SASH1: variants seen among roughly 807,000 people sequenced by gnomAD.
The protein encoded by SASH1 is SAM and SH3 domain-containing protein 1.
Under a neutral mutation model 125.2 loss-of-function variants are expected in SASH1, and 44 were observed. The ratio of observed to expected loss-of-function variants is 0.35; its 90% CI spans 0.28 to 0.45. SASH1 has a LOEUF of 0.45. Ranked by LOEUF, SASH1 falls within the 20% of genes least tolerant of loss-of-function variation. The pLI is 1.00. For synonymous variants in SASH1, 639 were observed against 649.1 expected, an observed-to-expected ratio of 0.98 and a Z score of 0.24; for missense variants, 1,426 against 1,614.5, an observed-to-expected ratio of 0.88 and a Z score of 2.00.
Position 148,549,795 on chromosome 6 carries a change from G to A in SASH1, c.*1237G>A. 2.6e-6 allele frequency: 1 copy of A among 380,104 alleles called. No individual in the cohort carries two copies. 23.5% of individuals were successfully genotyped at this position (380,104 alleles called of 1,614,324 possible). A position where few individuals can be genotyped will look rare whatever the true frequency, so the allele number is the denominator to read the frequency against. On this transcript the variant is annotated 3_prime_UTR_variant, in exon 20 of 20. Coordinates refer to ENST00000367467, the MANE Select transcript of SASH1 (RefSeq NM_015278.5). Reference sequence around the variant, plus strand: ...TGCTACTTTAAATTGTTTTACAACTGATTTCAGCACATTCTATCCTTTTTT... The same window carrying A: ...TGCTACTTTAAATTGTTTTACAACTAATTTCAGCACATTCTATCCTTTTTT...
chr6:148,282,483 G>A (rs1158239573), intron 1 of SASH1, among the ~76,000 whole-genome samples: 1 of 152,058 alleles, frequency 6.6e-6, no homozygotes, highest in Non-Finnish European at 1.5e-5. Context: ...CCGGGTTCAA[G>A]CGATTCTCCT....
chr6:148,258,160 C>G, the SASH1 span, among the ~76,000 whole-genome samples: 16 of 152,058 alleles, frequency 1.1e-4, no homozygotes, highest in East Asian at 1.7e-3. Flanking sequence ...CTCAAGAGAT[C>G]CTCCTACCTT....
chr6:148,236,663 C>T, the SASH1 span, among the ~76,000 whole-genome samples: 3 of 152,206 alleles, frequency 2.0e-5, no homozygotes, highest in Non-Finnish European at 2.9e-5. Context: ...TCTTTCTCTA[C>T]ACTAACAGTG....
intron 5 of SASH1, 62 bp downstream of exon 5, chr6:148,468,647 A>G (rs1777960062): frequency 9.7e-7 from 1 of 1,035,580 alleles, no homozygotes; most frequent in Non-Finnish European, 1.4e-6. Context: ...GAAAACACGA[A>G]TATGTGAAAA....
At chr6:148,440,319 T>G (rs757564515) in intron 3 of SASH1, 39 bp from the exon 4 acceptor site, 2 of 1,612,250 alleles carry the variant, frequency 1.2e-6, no homozygotes, top group Non-Finnish European at 1.7e-6. Context: ...TGAAGCCTGC[T>G]GCTCTGACCA....
At chr6:148,493,890 C>T (rs1046659749) in intron 8 of SASH1, among the ~76,000 whole-genome samples, 1 of 152,154 alleles carries the variant, frequency 6.6e-6, no homozygotes, top group African/African-American at 2.4e-5. Context: ...AATGTCTGCA[C>T]ATTTATTTAT....
At chr6:148,324,300 T>G (rs2114581602) in intron 1 of SASH1, among the ~76,000 whole-genome samples, 1 of 152,184 alleles carries the variant, frequency 6.6e-6, no homozygotes, top group East Asian at 1.9e-4. Context: ...AGTTCTAGAT[T>G]ATCCATGAGC....
chr6:148,396,347 G>A (rs566828041), intron 2 of SASH1, among the ~76,000 whole-genome samples: 4 of 151,718 alleles, frequency 2.6e-5, no homozygotes, highest in East Asian at 1.9e-4. Flanking sequence ...GTGTGGTGGT[G>A]CGCACCTATA....
intron 1 of SASH1, among the ~76,000 whole-genome samples, chr6:148,354,720 A>G (rs1411967329): frequency 6.6e-6 from 1 of 152,192 alleles, no homozygotes; most frequent in Non-Finnish European, 1.5e-5. Flanking sequence ...GGTTTGAGGA[A>G]GAACTATAAG....
chr6:148,308,144 C>A (rs1002172872), intron 1 of SASH1, among the ~76,000 whole-genome samples: 4 of 152,116 alleles, frequency 2.6e-5, no homozygotes, highest in African/African-American at 9.7e-5. Context: ...TCTTTCACTT[C>A]TTCTGTGGTG....
chr6:148,306,007 A>G (rs190454801), intron 1 of SASH1, among the ~76,000 whole-genome samples: 40 of 152,342 alleles, frequency 2.6e-4, no homozygotes, highest in Middle Eastern at 3.4e-3. Flanking sequence ...CTTGTATCAA[A>G]ATATCTCATG....
At chr6:148,221,831 A>G in the SASH1 span, among the ~76,000 whole-genome samples, 36,013 of 152,126 alleles carry the variant, frequency 0.24, 4,503 homozygotes, top group African/African-American at 0.3. Flanking sequence ...AAAACACTTC[A>G]CAGTGACTGA....
chr6:148,214,423 T>C, the SASH1 span, among the ~76,000 whole-genome samples: 1 of 152,236 alleles, frequency 6.6e-6, no homozygotes, highest in Non-Finnish European at 1.5e-5. Context: ...TTTTCTGCTA[T>C]ATAACTATAG....
chr6:148,238,619 CACACAT>C, the SASH1 span, among the ~76,000 whole-genome samples: 36 of 65,138 alleles, frequency 5.5e-4, 1 homozygote, highest in Admixed American at 4.4e-4. Flanking sequence ...GTGTCATACA[CACACAT>C]ACACACACAC....
intron 1 of SASH1, among the ~76,000 whole-genome samples, chr6:148,363,230 G>A (rs929456591): frequency 2.0e-5 from 3 of 152,238 alleles, no homozygotes; most frequent in African/African-American, 4.8e-5. Flanking sequence ...AACATCAGAT[G>A]AATCACGGTG....
At chr6:148,370,592 G>C (rs916612989) in intron 1 of SASH1, among the ~76,000 whole-genome samples, 3 of 152,126 alleles carry the variant, frequency 2.0e-5, no homozygotes, top group African/African-American at 7.2e-5. Context: ...GGGAAGCCAA[G>C]GTGGGCAGAT....
chr6:148,220,154 T>G, the SASH1 span, among the ~76,000 whole-genome samples: 1 of 152,156 alleles, frequency 6.6e-6, no homozygotes, highest in Non-Finnish European at 1.5e-5. Context: ...GGATAGAAAT[T>G]TACTTCTCAC....
At position 148,421,138 on chromosome 6, in the gene SASH1, GAAGGAAGGAAGA is replaced by G. The variant is rs1223362581; in HGVS notation, c.286-19042_286-19031del. On this transcript the variant is annotated intron_variant, in intron 2 of 19. Coordinates refer to ENST00000367467, the MANE Select transcript of SASH1 (RefSeq NM_015278.5). ...AAAAGAAAGGAAGAAAGGAAGGAAG[GAAGGAAGGAAGA>G]AAGAAAGAAAGAAAGAAAGAAAGAA... 2.7e-3 allele frequency among the ~76,000 whole-genome samples: 144 copies of G among 54,092 alleles called. 1 individual carries two copies. The highest frequency in any genetic ancestry group is 7.2e-3 in the African/African-American group (111 of 15,384). 35.5% of individuals were successfully genotyped at this position (54,092 alleles called of 152,430 possible).
chr6:148,300,541 C>A (rs183114190), intron 1 of SASH1, among the ~76,000 whole-genome samples: 1 of 150,428 alleles, frequency 6.6e-6, no homozygotes, highest in East Asian at 2.0e-4. Context: ...CTCTGCCTCC[C>A]GGGTTCCAGT....
Sources: gnomAD v4.1 joint callset for allele counts (sites outside exome capture counted in the v4.1 genomes callset) on GRCh38, gnomAD v4.1.1 for gene constraint, MANE v1.5 for transcripts, NCBI Gene and HGNC (gene_info 2026-07-23, HGNC 2026-07-21) for gene names.